Variants in BCAS3 observed in about 807,000 individuals in gnomAD.
The protein encoded by BCAS3 is BCAS3 microtubule associated cell migration factor.
A neutral mutation model predicts 116.1 loss-of-function variants in BCAS3; 53 were observed. That is an observed-to-expected ratio of 0.46 (90% CI 0.37 to 0.57). The LOEUF is 0.57. BCAS3 is among the 20% of genes least tolerant of loss of function. The pLI is 0.00. For synonymous variants in BCAS3, 391 were observed against 408.2 expected (o/e 0.96, Z 0.51); for missense variants, 917 against 1,165.4 (o/e 0.79, Z 3.10).
chr17:61,305,719 A>G (rs536160425), intron 22 of BCAS3, among the ~76,000 whole-genome samples: 77 of 152,242 alleles, frequency 5.1e-4, no homozygotes, highest in African/African-American at 1.8e-3. Context: ...AACATGGTGA[A>G]ACCCCGTCTC....
At chr17:60,769,450 G>A (rs961918927) in intron 6 of BCAS3, among the ~76,000 whole-genome samples, 10 of 152,324 alleles carry the variant, frequency 6.6e-5, no homozygotes, top group African/African-American at 2.4e-4. Flanking sequence ...GAAGTGCCTG[G>A]CCTCATTTCT....
chr17:61,303,416 G>A (rs569731137), intron 22 of BCAS3, among the ~76,000 whole-genome samples: 7 of 152,322 alleles, frequency 4.6e-5, no homozygotes, highest in South Asian at 2.1e-4. Flanking sequence ...GGGCTTCACC[G>A]AGCAATTAGT....
At chr17:60,907,449 A>G (rs1242214606) in intron 11 of BCAS3, among the ~76,000 whole-genome samples, 1 of 152,216 alleles carries the variant, frequency 6.6e-6, no homozygotes, top group African/African-American at 2.4e-5. Flanking sequence ...CACCATTAGC[A>G]CTAATGGATA....
chr17:60,783,401 C>T (rs576297113), intron 6 of BCAS3, among the ~76,000 whole-genome samples: 4 of 152,180 alleles, frequency 2.6e-5, no homozygotes, highest in Admixed American at 6.5e-5. Flanking sequence ...GATGGGGTTT[C>T]GTCATGTTGC....
chr17:60,692,339 T>C (rs1207467306), intron 4 of BCAS3, among the ~76,000 whole-genome samples: 1 of 152,080 alleles, frequency 6.6e-6, no homozygotes, highest in Non-Finnish European at 1.5e-5. Context: ...CCTCCTGGGT[T>C]CACACCATTC....
rs2058482859 is a variant in BCAS3 at position 61,362,155 on chromosome 17, G to T, written c.2426-6172G>T. On this transcript the variant is annotated intron_variant, in intron 22 of 23. Transcript: ENST00000407086. The surrounding 1 kb of genome is among the most constrained non-coding windows in gnomAD (Gnocchi z 4.4). ...ACCAACTTGTAGTGTGGAGAAAGGG[G>T]TGCTCCCCGCAGCAGCACTCTTAAG... Among the ~76,000 whole-genome samples the T allele has an allele frequency of 6.6e-6, 1 of 152,186 alleles. No individual in the cohort carries two copies. Among genetic ancestry groups the T allele is most frequent in the Non-Finnish European group, 1.5e-5 (1 of 68,038 alleles).
chr17:61,253,691 G>A (rs1346761121), intron 22 of BCAS3, among the ~76,000 whole-genome samples: 1 of 151,600 alleles, frequency 6.6e-6, no homozygotes, highest in African/African-American at 2.4e-5. Context: ...GCTTCATAAA[G>A]TCCTGTGCTC....
Position 61,277,262 on chromosome 17 carries a change from C to CAA in BCAS3, c.2426-91045_2426-91044dup, listed in dbSNP as rs58849968. On this transcript the variant is annotated intron_variant, in intron 22 of 23. Transcript: ENST00000407086. Reference sequence around the variant, plus strand: ...TGAGTGACAGAGCAAGACCCTGTATCAAAAAAAAAAAAAAAAAAAAAGGTG... The same window carrying CAA: ...TGAGTGACAGAGCAAGACCCTGTATCAAAAAAAAAAAAAAAAAAAAAAAGGTG... Among the ~76,000 whole-genome samples the CAA allele has an allele frequency of 8.3e-3, 835 of 101,088 alleles. 10 individuals carry two copies. Among genetic ancestry groups the CAA allele is most frequent in the South Asian group, 0.035 (80 of 2,314 alleles). 66.3% of individuals were successfully genotyped at this position (101,088 alleles called of 152,430 possible). A position where few individuals can be genotyped will look rare whatever the true frequency, so the allele number is the denominator to read the frequency against.
At chr17:60,814,309 G>GCGCA (rs879470504) in intron 7 of BCAS3, among the ~76,000 whole-genome samples, 21 of 149,674 alleles carry the variant, frequency 1.4e-4, no homozygotes, top group Non-Finnish European at 2.1e-4. Flanking sequence ...GTGTGTGTGC[G>GCGCA]CGCGTGCCCA....
At chr17:61,240,775 C>G (rs1315315797) in intron 22 of BCAS3, among the ~76,000 whole-genome samples, 3 of 152,158 alleles carry the variant, frequency 2.0e-5, no homozygotes, top group Non-Finnish European at 4.4e-5. Flanking sequence ...ATTCATTTAC[C>G]TATATCATTG....
Position 61,324,179 on chromosome 17 carries a change from G to C in BCAS3, c.2426-44148G>C, listed in dbSNP as rs373819453. ...AGGGACCCCATCCTTCTGATTCTCT[G>C]TATCCCCAGTGCCAGACATATGCTA... On this transcript the variant is annotated intron_variant, in intron 22 of 23. Transcript: ENST00000407086. This position sits in a 1 kb window ranked among gnomAD's most constrained non-coding sequence, Gnocchi z 4.6. 5.0e-4 allele frequency among the ~76,000 whole-genome samples: 76 copies of C among 152,288 alleles called. No homozygotes were observed. The highest frequency in any genetic ancestry group is 1.8e-3 in the African/African-American group (75 of 41,558).
At position 60,801,133 on chromosome 17, in the gene BCAS3, T is replaced by G. The variant is rs374112910; in HGVS notation, c.404-6871T>G. Among the ~76,000 whole-genome samples, 33 of 152,300 alleles carry G rather than the reference T, an allele frequency of 2.2e-4. No individual in the cohort carries two copies. In the East Asian group the frequency reaches 6.2e-3, roughly 28 times the overall value. On this transcript the variant is annotated intron_variant, in intron 6 of 23. Transcript: ENST00000407086. The stretch of plus-strand genomic sequence containing the variant: ...TTTTTGGTAGGAATTGCATTAAACT[T>G]TATATCAGTTATGTATCTCCATGTA...
Position 61,222,128 on chromosome 17 carries a change from G to A in BCAS3, c.2425+137564G>A, listed in dbSNP as rs1005951177. On this transcript the variant is annotated intron_variant, in intron 22 of 23. Coordinates refer to ENST00000407086, the MANE Select transcript of BCAS3 (RefSeq NM_017679.5). The surrounding 1 kb of genome is among the most constrained non-coding windows in gnomAD (Gnocchi z 6.1). ...TAGGGAATTTGTTAACAGTCATGCC[G>A]ACATAGATACAAATATAGAGAACAT... Among the ~76,000 whole-genome samples, 12 of 152,106 alleles carry A rather than the reference G, an allele frequency of 7.9e-5. No homozygotes were observed. Among genetic ancestry groups the A allele is most frequent in the Non-Finnish European group, 1.3e-4 (9 of 68,022 alleles).
intron 4 of BCAS3, among the ~76,000 whole-genome samples, chr17:60,706,685 C>T (rs759123458): frequency 7.3e-5 from 11 of 151,584 alleles, no homozygotes; most frequent in Admixed American, 1.3e-4. Flanking sequence ...ATTAGCCAGG[C>T]GTGGTGGAGA....
intron 7 of BCAS3, among the ~76,000 whole-genome samples, chr17:60,814,899 T>A (rs1016370316): frequency 1.3e-5 from 2 of 152,196 alleles, no homozygotes; most frequent in African/African-American, 4.8e-5. Context: ...TCTAGATTCC[T>A]CAAGGATCTA....
chr17:61,157,884 G>A (rs2077953365), intron 22 of BCAS3, among the ~76,000 whole-genome samples: 2 of 152,108 alleles, frequency 1.3e-5, no homozygotes, highest in Non-Finnish European at 2.9e-5. Flanking sequence ...TTTCCTAAAA[G>A]TGTTTTCTGT....
chr17:60,807,775 C>CT (rs2048413791), intron 6 of BCAS3, among the ~76,000 whole-genome samples: 1 of 143,612 alleles, frequency 7.0e-6, no homozygotes, highest in Admixed American at 7.1e-5. Context: ...GAGCGAGACT[C>CT]TGTCTCAAAA....
rs1217701314 is a variant in BCAS3, at chr17:61,196,770, T to C, written c.2425+112206T>C. On this transcript the variant is annotated intron_variant, in intron 22 of 23. Transcript: ENST00000407086. This position sits in a 1 kb window ranked among gnomAD's most constrained non-coding sequence, Gnocchi z 4.7. Reference sequence around the variant, plus strand: ...TTATCGGCATTCATGCTCCGTTTTTTCTGTTTATCATAGGGTCTAATACAC... The same window carrying C: ...TTATCGGCATTCATGCTCCGTTTTTCCTGTTTATCATAGGGTCTAATACAC... 6.6e-6 allele frequency among the ~76,000 whole-genome samples: 1 copy of C among 152,254 alleles called. No homozygotes were observed. The highest frequency in any genetic ancestry group is 1.5e-5 in the Non-Finnish European group (1 of 68,048).
At position 61,199,380 on chromosome 17, in the gene BCAS3, G is replaced by A. The variant is rs535575560; in HGVS notation, c.2425+114816G>A. ...AACACAGGTGGGCACCTAGTGCATG[G>A]TGTTACAGTAAAGACAACTCGACAT... is the stretch of plus-strand genomic sequence containing the variant. On this transcript the variant is annotated intron_variant, in intron 22 of 23. Transcript: ENST00000407086. The surrounding 1 kb of genome is among the most constrained non-coding windows in gnomAD (Gnocchi z 4.6). Among the ~76,000 whole-genome samples the A allele has an allele frequency of 3.9e-5, 6 of 152,316 alleles. No homozygotes were observed. The South Asian group carries it at 1.0e-3, about 26-fold the overall frequency.
Sources: allele counts gnomAD v4.1 joint callset (sites outside exome capture counted in the v4.1 genomes callset), GRCh38; gene constraint gnomAD v4.1.1; non-coding constraint Gnocchi (gnomAD v3.1); transcripts MANE v1.5; gene names NCBI Gene and HGNC (gene_info 2026-07-23, HGNC 2026-07-21).